The following SPATA22 variants were observed in gnomAD, a reference collection of about 807,000 sequenced individuals.
The protein encoded by SPATA22 is spermatogenesis associated 22, also known as spermatogenesis-associated protein 22.
In SPATA22, 29 loss-of-function variants were observed where a neutral mutation model predicts 47.8. The observed-to-expected ratio is 0.61, with a 90% CI of 0.45 to 0.83. SPATA22 has a LOEUF of 0.83. SPATA22 is among the 40% of genes least tolerant of loss of function. SPATA22 has a pLI of 0.00. For missense variants in SPATA22, 410 were observed against 421.7 expected (o/e 0.97, Z 0.24); for synonymous variants, 133 against 140.9 (o/e 0.94, Z 0.40).
intron 1 of SPATA22, among the ~76,000 whole-genome samples, chr17:3,498,347 CTTT>C (rs574497287): frequency 1.3e-5 from 2 of 151,960 alleles, no homozygotes; most frequent in African/African-American, 2.4e-5. Context: ...GAAGCAAACT[CTTT>C]TTTATTTTTT....
At chr17:3,498,785 T>C (rs540384544) in intron 1 of SPATA22, 17 of 1,153,074 alleles carry the variant, frequency 1.5e-5, no homozygotes, top group Non-Finnish European at 2.0e-5. Context: ...AGTATCTCTT[T>C]TAAAACAACA....
intron 7 of SPATA22, among the ~76,000 whole-genome samples, chr17:3,445,248 T>A (rs1418398477): frequency 6.6e-6 from 1 of 152,112 alleles, no homozygotes; most frequent in Non-Finnish European, 1.5e-5. Flanking sequence ...TGAAATAGAA[T>A]ACCATCTGCT....
intron 1 of SPATA22, among the ~76,000 whole-genome samples, chr17:3,493,736 G>T (rs2073864233): frequency 6.6e-6 from 1 of 152,034 alleles, no homozygotes; most frequent in African/African-American, 2.4e-5. Flanking sequence ...GCCTCAAGAA[G>T]TTAAGCATCT....
rs1387222093 is a variant in SPATA22, at chr17:3,471,819, C to G, written c.-211G>C. On this transcript the variant is annotated 5_prime_UTR_variant, in exon 1 of 9. Transcript: ENST00000572969. ...CCGCCCGCGAAGAAAGCGCGGGAAT[C>G]AGGCTGTTCGCAGGCGCCGTGGACC... is the stretch of plus-strand genomic sequence containing the variant. The G allele has an allele frequency of 2.0e-6, 2 of 985,374 alleles. No homozygotes were observed. Among genetic ancestry groups the G allele is most frequent in the Non-Finnish European group, 2.4e-6 (2 of 829,940 alleles). The allele number at this position is 985,374 out of a possible 1,614,324, so 61.0% of individuals were successfully genotyped here.
intron 1 of SPATA22, chr17:3,511,832 C>T (rs2074117561): frequency 6.6e-6 from 1 of 152,200 alleles, no homozygotes; most frequent in Admixed American, 6.5e-5. Flanking sequence ...ACGGCTTTAT[C>T]CATTAATGGA....
rs190450465 is a variant in SPATA22, at chr17:3,447,603, G to A, written c.673-1002C>T. On this transcript the variant is annotated intron_variant, in intron 6 of 8. Coordinates refer to ENST00000572969, the MANE Select transcript of SPATA22 (RefSeq NM_001170698.2). ...AACATGCAAAAACAAATTTTACCCC[G>A]ATGGCTTTTTGAAAAGATTGCTTTT... is the stretch of plus-strand genomic sequence containing the variant. Among the ~76,000 whole-genome samples the A allele has an allele frequency of 3.9e-5, 6 of 152,138 alleles. No individual in the cohort carries two copies. The East Asian group carries it at 5.8e-4, about 15-fold the overall frequency.
At chr17:3,486,313 C>G (rs2073720549) in intron 1 of SPATA22, among the ~76,000 whole-genome samples, 1 of 152,200 alleles carries the variant, frequency 6.6e-6, no homozygotes, top group Non-Finnish European at 1.5e-5. Flanking sequence ...ACTTCCAAGG[C>G]TGTTCACTAT....
At chr17:3,474,647 ATC>A (rs147521381), upstream of SPATA22, among the ~76,000 whole-genome samples, 54 of 152,210 alleles carry the variant, frequency 3.5e-4, no homozygotes, top group East Asian at 8.3e-3. Flanking sequence ...TGCTTTCTCT[ATC>A]TCTGCATTAT....
chr17:3,463,226 ATG>A (rs2073170512), intron 3 of SPATA22, among the ~76,000 whole-genome samples: 1 of 152,222 alleles, frequency 6.6e-6, no homozygotes, highest in Non-Finnish European at 1.5e-5. Context: ...TGACACAGTC[ATG>A]TGTCACTTAA....
chr17:3,465,180 A>G (rs2073267277), intron 3 of SPATA22, among the ~76,000 whole-genome samples: 1 of 137,044 alleles, frequency 7.3e-6, no homozygotes, highest in East Asian at 2.2e-4. Flanking sequence ...CCGCCCGGCC[A>G]GCCGCCTCGT....
chr17:3,455,572 G>T (rs35215367), intron 5 of SPATA22, among the ~76,000 whole-genome samples: 18,062 of 123,864 alleles, frequency 0.15, 1,311 homozygotes, highest in East Asian at 0.32. Context: ...CCATTGCTTG[G>T]TTTTCTCAGG....
chr17:3,451,215 A>G (rs189747635), intron 5 of SPATA22, among the ~76,000 whole-genome samples: 1 of 152,232 alleles, frequency 6.6e-6, no homozygotes, highest in African/African-American at 2.4e-5. Flanking sequence ...AAAGACAAAG[A>G]AAGTCATTAT....
At chr17:3,509,952 C>A (rs1055102250) in intron 1 of SPATA22, among the ~76,000 whole-genome samples, 4 of 152,102 alleles carry the variant, frequency 2.6e-5, no homozygotes, top group Admixed American at 1.3e-4. Flanking sequence ...TTGTTGGCCA[C>A]GTAAATGTCT....
intron 5 of SPATA22, among the ~76,000 whole-genome samples, chr17:3,454,568 C>T (rs1227994573): frequency 2.0e-5 from 3 of 151,464 alleles, no homozygotes; most frequent in Non-Finnish European, 4.4e-5. Context: ...TTTGTCCTTG[C>T]GATAGTTTAC....
chr17:3,494,929 T>G (rs1018288617), intron 1 of SPATA22, among the ~76,000 whole-genome samples: 1 of 152,144 alleles, frequency 6.6e-6, no homozygotes, highest in African/African-American at 2.4e-5. Flanking sequence ...CCAGAGTTAG[T>G]GCTCTTTCAA....
intron 8 of SPATA22, 148 bp downstream of exon 8, chr17:3,443,026 A>G: frequency 1.7e-6 from 1 of 603,536 alleles, no homozygotes. Context: ...TCTCTATATT[A>G]TAAAAATAAA....
chr17:3,457,637 A>C (rs1031175887), intron 5 of SPATA22, among the ~76,000 whole-genome samples: 6 of 142,420 alleles, frequency 4.2e-5, no homozygotes, highest in African/African-American at 1.5e-4. Context: ...AGGCACATAG[A>C]TCAACAGAAT....
At chr17:3,504,094 C>G (rs571728908) in intron 1 of SPATA22, among the ~76,000 whole-genome samples, 2 of 152,150 alleles carry the variant, frequency 1.3e-5, no homozygotes, top group Admixed American at 6.5e-5. Flanking sequence ...AACTCTCCCC[C>G]ACTGTCCTCC....
At chr17:3,446,969 T>C (rs1308845584) in intron 6 of SPATA22, among the ~76,000 whole-genome samples, 1 of 152,170 alleles carries the variant, frequency 6.6e-6, no homozygotes, top group East Asian at 1.9e-4. Flanking sequence ...GACACATTCA[T>C]TCATTCATTC....
Sources: gnomAD v4.1 joint callset for allele counts (sites outside exome capture counted in the v4.1 genomes callset) on GRCh38, gnomAD v4.1.1 for gene constraint, MANE v1.5 for transcripts, NCBI Gene and HGNC (gene_info 2026-07-23, HGNC 2026-07-21) for gene names.